NTM: variants seen among roughly 807,000 people sequenced by gnomAD.
NTM encodes neurotrimin, also known as IgLON family member 2.
NTM carries 13 observed loss-of-function variants against 42.1 expected under a neutral mutation model. The observed-to-expected ratio is 0.31, with a 90% CI of 0.20 to 0.49. The LOEUF (loss-of-function observed/expected upper bound fraction) is 0.49, where lower values mean the gene tolerates loss of function less well. Among genes scored for constraint, NTM ranks in the 20% least tolerant of loss-of-function variants. NTM has a pLI of 0.99. For synonymous variants in NTM, 187 were observed against 179.2 expected (o/e 1.04, Z -0.35); for missense variants, 373 against 452.8 (o/e 0.82, Z 1.60).
At chr11:131,601,286 A>G (rs1251195869) in intron 1 of NTM, among the ~76,000 whole-genome samples, 1 of 152,190 alleles carries the variant, frequency 6.6e-6, no homozygotes, top group Non-Finnish European at 1.5e-5. Flanking sequence ...AAGGAGCATG[A>G]TGGACCAGAG....
At chr11:132,031,311 T>C (rs1168520589) in intron 2 of NTM, among the ~76,000 whole-genome samples, 1 of 152,218 alleles carries the variant, frequency 6.6e-6, no homozygotes, top group Non-Finnish European at 1.5e-5. Context: ...AGTGACTTGT[T>C]CTTTTATTTT....
At chr11:132,285,560 C>T (rs145777626) in intron 4 of NTM, among the ~76,000 whole-genome samples, 25 of 152,278 alleles carry the variant, frequency 1.6e-4, no homozygotes, top group African/African-American at 5.3e-4. Context: ...ATTGGGGCAT[C>T]GGTGCACCTG....
chr11:131,629,281 TG>T (rs1483856267), intron 1 of NTM, among the ~76,000 whole-genome samples: 1 of 152,136 alleles, frequency 6.6e-6, no homozygotes, highest in Non-Finnish European at 1.5e-5. Context: ...AGAATGTCTA[TG>T]TCATTTCAAA....
chr11:131,812,064 C>T (rs1013457856), intron 1 of NTM, among the ~76,000 whole-genome samples: 8 of 152,232 alleles, frequency 5.3e-5, no homozygotes, highest in African/African-American at 1.4e-4. Flanking sequence ...CCACCCAGTG[C>T]GTGTAGAGTA....
chr11:131,484,842 A>G (rs1051474167), intron 1 of NTM, among the ~76,000 whole-genome samples: 5 of 152,174 alleles, frequency 3.3e-5, no homozygotes, highest in South Asian at 2.1e-4. Flanking sequence ...AATTCAAAAT[A>G]TAATTATAAG....
chr11:132,311,576 G>A (rs140334905), intron 6 of NTM, among the ~76,000 whole-genome samples: 1,913 of 152,194 alleles, frequency 0.013, 21 homozygotes, highest in South Asian at 0.019. Context: ...TCACTTATGC[G>A]TTTCCTCTTC....
intron 1 of NTM, among the ~76,000 whole-genome samples, chr11:131,764,584 T>A (rs966190300): frequency 6.6e-6 from 1 of 152,136 alleles, no homozygotes; most frequent in African/African-American, 2.4e-5. Flanking sequence ...TTACCTAACC[T>A]CTGTGGACTA....
chr11:131,803,590 G>A (rs977152673), intron 1 of NTM, among the ~76,000 whole-genome samples: 1 of 152,204 alleles, frequency 6.6e-6, no homozygotes, highest in Non-Finnish European at 1.5e-5. Flanking sequence ...GATTACAGGT[G>A]TAAGCCACTG....
intron 2 of NTM, among the ~76,000 whole-genome samples, chr11:131,947,570 G>T (rs1452063268): frequency 6.6e-6 from 1 of 152,164 alleles, no homozygotes; most frequent in Non-Finnish European, 1.5e-5. Flanking sequence ...GATGATACAC[G>T]CTGGTATGAA....
At chr11:132,159,321 G>A (rs975688009) in intron 3 of NTM, among the ~76,000 whole-genome samples, 10 of 152,270 alleles carry the variant, frequency 6.6e-5, no homozygotes, top group South Asian at 2.1e-4. Context: ...CCTAAGAGAC[G>A]CGTTTATTCT....
chr11:131,580,940 G>A (rs915858163), intron 1 of NTM, among the ~76,000 whole-genome samples: 4 of 152,122 alleles, frequency 2.6e-5, no homozygotes, highest in Non-Finnish European at 5.9e-5. Flanking sequence ...GCCACCAAAA[G>A]GTCAAAAGTA....
At chr11:132,214,549 C>T (rs1218766768) in intron 4 of NTM, among the ~76,000 whole-genome samples, 1 of 152,196 alleles carries the variant, frequency 6.6e-6, no homozygotes, top group African/African-American at 2.4e-5. Flanking sequence ...CTTTCTCTTG[C>T]AGCGTCTGAA....
At chr11:132,064,377 C>T (rs965623733) in intron 2 of NTM, among the ~76,000 whole-genome samples, 6 of 152,072 alleles carry the variant, frequency 3.9e-5, no homozygotes, top group African/African-American at 1.4e-4. Flanking sequence ...ATTTGTGTGT[C>T]AGTGTGTATA....
At chr11:131,786,112 C>T (rs2089156922) in intron 1 of NTM, among the ~76,000 whole-genome samples, 1 of 152,164 alleles carries the variant, frequency 6.6e-6, no homozygotes, top group Admixed American at 6.5e-5. Context: ...AGATTTCTAT[C>T]TTCTAAAGTA....
At chr11:132,250,984 TA>T (rs2091882012) in intron 4 of NTM, among the ~76,000 whole-genome samples, 1 of 152,220 alleles carries the variant, frequency 6.6e-6, no homozygotes, top group Non-Finnish European at 1.5e-5. Context: ...TTTTGAGCCC[TA>T]AAATGAAAGC....
At chr11:131,550,239 G>A (rs2054488508) in intron 1 of NTM, among the ~76,000 whole-genome samples, 1 of 152,220 alleles carries the variant, frequency 6.6e-6, no homozygotes, top group Non-Finnish European at 1.5e-5. Flanking sequence ...TTGAGCCCAG[G>A]AGTTTGAGAC....
At chr11:132,235,442 G>C (rs1225722377) in intron 4 of NTM, among the ~76,000 whole-genome samples, 2 of 152,116 alleles carry the variant, frequency 1.3e-5, no homozygotes, top group Non-Finnish European at 2.9e-5. Flanking sequence ...TGGATTGAAA[G>C]GTGGTCACAT....
intron 3 of NTM, among the ~76,000 whole-genome samples, chr11:132,147,208 T>A (rs61905962): frequency 2.4e-4 from 31 of 127,240 alleles, no homozygotes; most frequent in South Asian, 7.1e-4. Context: ...TGTGTGTGTG[T>A]GTGTGTGAGA....
chr11:131,860,081 G>A (rs1370493376), intron 1 of NTM, among the ~76,000 whole-genome samples: 1 of 152,102 alleles, frequency 6.6e-6, no homozygotes, highest in Non-Finnish European at 1.5e-5. Context: ...CGTCTATATC[G>A]GGCCTCAGCT....
Sources: allele counts gnomAD v4.1 joint callset (sites outside exome capture counted in the v4.1 genomes callset), GRCh38; gene constraint gnomAD v4.1.1; transcripts MANE v1.5; gene names NCBI Gene and HGNC (gene_info 2026-07-23, HGNC 2026-07-21).